The following ZNRF2 variants were observed in gnomAD, a reference collection of about 807,000 sequenced individuals.
ZNRF2 encodes zinc and ring finger 2, also known as E3 ubiquitin-protein ligase ZNRF2.
A neutral mutation model predicts 20.4 loss-of-function variants in ZNRF2; 16 were observed. The observed-to-expected ratio is 0.79, with a 90% CI of 0.53 to 1.19. The LOEUF (loss-of-function observed/expected upper bound fraction) is 1.19, where lower values mean the gene tolerates loss of function less well. ZNRF2 is among the 50% of genes most tolerant of loss of function. The probability of loss-of-function intolerance (pLI) is 0.00; values close to 1 mark genes in which losing one functional copy is unlikely to be tolerated. For synonymous variants in ZNRF2, 178 were observed against 144.9 expected (o/e 1.23, Z -1.64); for missense variants, 363 against 332.4 (o/e 1.09, Z -0.72).
At chr7:30,294,639 C>T (rs1798977796) in intron 1 of ZNRF2, among the ~76,000 whole-genome samples, 1 of 151,862 alleles carries the variant, frequency 6.6e-6, no homozygotes, top group Non-Finnish European at 1.5e-5. Context: ...AAAAATCAGC[C>T]GGGCATGGTG....
intron 2 of ZNRF2, among the ~76,000 whole-genome samples, chr7:30,355,272 T>C (rs42578): frequency 0.16 from 23,738 of 152,036 alleles, 3,744 homozygotes; most frequent in African/African-American, 0.41. Context: ...GTCCCACATT[T>C]GGGGTGATTT....
intron 1 of ZNRF2, among the ~76,000 whole-genome samples, chr7:30,301,087 T>TAC (rs1799106309): frequency 6.6e-6 from 1 of 152,220 alleles, no homozygotes; most frequent in African/African-American, 2.4e-5. Context: ...GCTCTGCTCT[T>TAC]ACAGCCTTTC....
intron 1 of ZNRF2, among the ~76,000 whole-genome samples, chr7:30,290,377 A>G (rs1300843379): frequency 1.3e-5 from 2 of 152,220 alleles, no homozygotes; most frequent in Non-Finnish European, 2.9e-5. Context: ...GCTGGGCACA[A>G]CTTAGCTGTG....
At chr7:30,358,581 A>G (rs1326681862) in intron 3 of ZNRF2, among the ~76,000 whole-genome samples, 1 of 152,234 alleles carries the variant, frequency 6.6e-6, no homozygotes, top group Non-Finnish European at 1.5e-5. Context: ...ATGGGAACCA[A>G]TGAGTGAAGG....
At chr7:30,300,826 A>G (rs1292209770) in intron 1 of ZNRF2, among the ~76,000 whole-genome samples, 3 of 152,242 alleles carry the variant, frequency 2.0e-5, no homozygotes, top group Non-Finnish European at 2.9e-5. Context: ...ATCTTTAAAT[A>G]TTAGGTAGAC....
intron 2 of ZNRF2, among the ~76,000 whole-genome samples, chr7:30,333,635 T>C (rs1270231188): frequency 6.6e-6 from 1 of 152,204 alleles, no homozygotes; most frequent in East Asian, 1.9e-4. Flanking sequence ...CCCAAAGTGT[T>C]GGGATTACAG....
At chr7:30,338,547 T>C (rs1257695590) in intron 2 of ZNRF2, among the ~76,000 whole-genome samples, 1 of 151,820 alleles carries the variant, frequency 6.6e-6, no homozygotes, top group African/African-American at 2.4e-5. Context: ...GTTCCTGTGT[T>C]AGTTTGCTGA....
intron 2 of ZNRF2, among the ~76,000 whole-genome samples, chr7:30,352,421 C>T (rs1000143331): frequency 1.3e-5 from 2 of 151,968 alleles, no homozygotes; most frequent in Admixed American, 6.6e-5. Flanking sequence ...TGCTCTTTTC[C>T]AGTCTTTTAA....
At position 30,345,493 on chromosome 7, in the gene ZNRF2, C is replaced by T. The variant is rs143179515; in HGVS notation, c.566-10235C>T. Reference sequence around the variant, plus strand: ...GTTCTGTTATACCATTCAGAACCTACACATTTGTATTTTAACTAGTAAATT... The same window carrying T: ...GTTCTGTTATACCATTCAGAACCTATACATTTGTATTTTAACTAGTAAATT... On this transcript the variant is annotated intron_variant, in intron 2 of 4. Transcript: ENST00000323037. Among the ~76,000 whole-genome samples, 265 of 152,074 alleles carry T rather than the reference C, an allele frequency of 1.7e-3. 2 individuals are homozygous for T. Among genetic ancestry groups the T allele is most frequent in the Non-Finnish European group, 3.2e-3 (217 of 67,978 alleles).
chr7:30,306,385 G>C (rs1444188519), intron 1 of ZNRF2, among the ~76,000 whole-genome samples: 2 of 152,074 alleles, frequency 1.3e-5, no homozygotes, highest in Non-Finnish European at 1.5e-5. Context: ...ATGAAAGCTA[G>C]AAGTAAGTAA....
At chr7:30,301,439 C>T (rs891809176) in intron 1 of ZNRF2, among the ~76,000 whole-genome samples, 7 of 151,986 alleles carry the variant, frequency 4.6e-5, no homozygotes, top group Non-Finnish European at 8.8e-5. Context: ...GCCAAGATCA[C>T]GCCACTGCAC....
intron 1 of ZNRF2, among the ~76,000 whole-genome samples, chr7:30,286,151 G>A (rs1798785044): frequency 6.6e-6 from 1 of 152,232 alleles, no homozygotes. Flanking sequence ...CAGCCCTTGT[G>A]GTTGTGGTTT....
At chr7:30,339,941 G>T (rs1194096776) in intron 2 of ZNRF2, among the ~76,000 whole-genome samples, 2 of 152,096 alleles carry the variant, frequency 1.3e-5, no homozygotes, top group Non-Finnish European at 2.9e-5. Context: ...TTATGTCCTT[G>T]AGCAGTGTTT....
intron 1 of ZNRF2, among the ~76,000 whole-genome samples, chr7:30,309,223 C>A (rs1402383784): frequency 1.3e-5 from 2 of 152,228 alleles, no homozygotes; most frequent in Admixed American, 1.3e-4. Flanking sequence ...ATGAGTGGGA[C>A]TTTGAACATT....
Position 30,324,460 on chromosome 7 carries a change from A to G in ZNRF2, c.565+723A>G, listed in dbSNP as rs972469540. On this transcript the variant is annotated intron_variant, in intron 2 of 4. Transcript: ENST00000323037. ...GCTACTCGGGAGGCTGAGGCAGGAG[A>G]ATCGCTTGAACCCAGGAGGCGAAAG... 7.9e-5 allele frequency among the ~76,000 whole-genome samples: 12 copies of G among 151,960 alleles called. No homozygotes were observed. The South Asian group carries it at 1.7e-3, about 21-fold the overall frequency.
intron 1 of ZNRF2, among the ~76,000 whole-genome samples, chr7:30,294,190 T>C (rs1449138039): frequency 6.6e-6 from 1 of 152,170 alleles, no homozygotes; most frequent in Non-Finnish European, 1.5e-5. Flanking sequence ...TTTGTAAAGT[T>C]AATTTTGTTC....
chr7:30,290,455 A>G (rs1458205460), intron 1 of ZNRF2, among the ~76,000 whole-genome samples: 2 of 152,206 alleles, frequency 1.3e-5, no homozygotes, highest in African/African-American at 4.8e-5. Context: ...CAACTGGGGA[A>G]AGGTCTGCCC....
Position 30,284,712 on chromosome 7 carries a change from G to A in ZNRF2, c.-646G>A, listed in dbSNP as rs1798736902. On this transcript the variant is annotated 5_prime_UTR_variant, in exon 1 of 5. Coordinates refer to ENST00000323037, the MANE Select transcript of ZNRF2 (RefSeq NM_147128.4). ...CCGCCTTCGCGGCCCAGATCCTCCC[G>A]CCAGCCCGGCCCCTCCTTCGCAGGG... 5.7e-6 allele frequency: 1 copy of A among 175,138 alleles called. No homozygotes were observed. The highest frequency in any genetic ancestry group is 1.2e-5 in the Non-Finnish European group (1 of 80,056). The allele number at this position is 175,138 out of a possible 1,614,324, so 10.8% of individuals were successfully genotyped here.
rs113354404 is a variant in ZNRF2, at chr7:30,330,504, G to C, written c.565+6767G>C. Among the ~76,000 whole-genome samples, 130 of 152,232 alleles carry C rather than the reference G, an allele frequency of 8.5e-4. 1 individual carries two copies. The highest frequency in any genetic ancestry group is 1.4e-3 in the Non-Finnish European group (93 of 67,996). Reference sequence around the variant, plus strand: ...ATATTGCAGGTGATTGTATCAGGCTGTCAGCACCTTGATTCCAGTTTGCAT... The same window carrying C: ...ATATTGCAGGTGATTGTATCAGGCTCTCAGCACCTTGATTCCAGTTTGCAT... On this transcript the variant is annotated intron_variant, in intron 2 of 4. Transcript: ENST00000323037.
Sources: gnomAD v4.1 joint callset for allele counts (sites outside exome capture counted in the v4.1 genomes callset) on GRCh38, gnomAD v4.1.1 for gene constraint, MANE v1.5 for transcripts, NCBI Gene and HGNC (gene_info 2026-07-23, HGNC 2026-07-21) for gene names.